CR1: variants seen among roughly 807,000 people sequenced by gnomAD.
The protein encoded by CR1 is complement C3b/C4b receptor 1 (Knops blood group).
Under a neutral mutation model 187.3 loss-of-function variants are expected in CR1, and 116 were observed. That is an observed-to-expected ratio of 0.62 (90% CI 0.53 to 0.72). The LOEUF (loss-of-function observed/expected upper bound fraction) is 0.72. Among genes scored for constraint, CR1 ranks in the 30% least tolerant of loss-of-function variants. CR1 has a pLI of 0.00. For synonymous variants in CR1, 576 were observed against 747.1 expected (o/e 0.77, Z 3.73); for missense variants, 1,731 against 2,110.7 (o/e 0.82, Z 3.52).
chr1:207,595,249 C>T (rs1661395727), intron 35 of CR1, among the ~76,000 whole-genome samples: 1 of 150,928 alleles, frequency 6.6e-6, no homozygotes, highest in Non-Finnish European at 1.5e-5. Context: ...AAACACACTA[C>T]ACACAAACAC....
At chr1:207,606,637 G>C (rs1346860338) in intron 35 of CR1, 2 of 152,186 alleles carry the variant, frequency 1.3e-5, no homozygotes, top group African/African-American at 2.4e-5. Flanking sequence ...TAACATTATG[G>C]ATACCTAATA....
rs549755473 is a variant in CR1, at chr1:207,577,542, G to T, written c.4538-263G>T. 2.6e-5 allele frequency among the ~76,000 whole-genome samples: 4 copies of T among 152,288 alleles called. No individual in the cohort carries two copies. The East Asian group carries it at 7.7e-4, about 29-fold the overall frequency. On this transcript the variant is annotated intron_variant, in intron 28 of 46. Transcript: ENST00000367049. The stretch of plus-strand genomic sequence containing the variant: ...CCCAGCACTTTGAAAGGCCGAGGCA[G>T]GCGGATTGTTTGAGGCCAGGAGTTC...
At chr1:207,501,123 T>G (rs1299318545) in intron 1 of CR1, among the ~76,000 whole-genome samples, 1 of 152,250 alleles carries the variant, frequency 6.6e-6, no homozygotes, top group Non-Finnish European at 1.5e-5. Flanking sequence ...ACCTGAGTTA[T>G]TTCCTTTATA....
chr1:207,625,833 C>T (rs538850022), intron 45 of CR1, among the ~76,000 whole-genome samples: 1 of 152,274 alleles, frequency 6.6e-6, no homozygotes, highest in South Asian at 2.1e-4. Flanking sequence ...AATGCAAAAA[C>T]CTGAAAAACA....
intron 45 of CR1, among the ~76,000 whole-genome samples, chr1:207,626,493 T>C (rs1159445931): frequency 6.6e-6 from 1 of 152,174 alleles, no homozygotes; most frequent in East Asian, 1.9e-4. Flanking sequence ...AAGGGCCTCA[T>C]GGCAAAGAAG....
chr1:207,566,225 T>C (rs1358068412), intron 24 of CR1, among the ~76,000 whole-genome samples: 2 of 150,144 alleles, frequency 1.3e-5, no homozygotes, highest in South Asian at 2.1e-4. Flanking sequence ...CTTTCTCTAG[T>C]TTTTTCTTTC....
intron 35 of CR1, among the ~76,000 whole-genome samples, chr1:207,601,964 C>G (rs984067030): frequency 6.6e-6 from 1 of 152,012 alleles, no homozygotes; most frequent in African/African-American, 2.4e-5. Flanking sequence ...GCTGGCCTCT[C>G]CCAGAATGAG....
intron 46 of CR1, among the ~76,000 whole-genome samples, chr1:207,636,951 T>A (rs1662833435): frequency 6.6e-6 from 1 of 152,234 alleles, no homozygotes; most frequent in South Asian, 2.1e-4. Flanking sequence ...CTATATTTCC[T>A]ACAACTAGCA....
chr1:207,506,276 C>T (rs1659430491), intron 2 of CR1, among the ~76,000 whole-genome samples, 193 bp downstream of exon 2: 1 of 152,218 alleles, frequency 6.6e-6, no homozygotes, highest in African/African-American at 2.4e-5. Context: ...AAGTTTATTT[C>T]ATGAGAAACA....
intron 1 of CR1, among the ~76,000 whole-genome samples, chr1:207,498,877 C>CAAAAAAAA (rs56044498): frequency 0.075 from 3,755 of 49,812 alleles, 354 homozygotes; most frequent in South Asian, 0.089. Context: ...AACTCCAAAT[C>CAAAAAAAA]AAAAAAAAAA....
rs575967814 is a variant in CR1, at chr1:207,568,129, A to C, written c.4171+87A>C. The C allele has an allele frequency of 6.8e-6, 11 of 1,607,340 alleles. No homozygotes were observed. In the South Asian group the frequency reaches 8.8e-5, roughly 13 times the overall value. ...TTTCCATAATTACAGTGTAGTATTT[A>C]TTTGTATGTATGCATTTGCCACAAT... On this transcript the variant is annotated intron_variant, in intron 25 of 46. Coordinates refer to ENST00000367049, the MANE Select transcript of CR1 (RefSeq NM_000651.6).
intron 1 of CR1, among the ~76,000 whole-genome samples, chr1:207,499,676 G>A (rs1285171337): frequency 6.6e-6 from 1 of 152,146 alleles, no homozygotes; most frequent in East Asian, 1.9e-4. Flanking sequence ...TTTAATATAG[G>A]GTGGACTCTG....
rs773564932 is a variant in CR1 at position 207,618,099 on chromosome 1, C to T, written c.6918C>T (p.Asn2306=). The T allele has an allele frequency of 2.5e-5, 40 of 1,613,248 alleles. No homozygotes were observed. The highest frequency in any genetic ancestry group is 1.4e-4 in the South Asian group (13 of 90,928). The change falls in exon 42 of 47, where the codon AAC becomes AAT. Residue 2306 remains asparagine, a synonymous_variant. Transcript: ENST00000367049. ...AACPHPPKIQ[N]GHYIGGHVSL... ...GCCCACATCCACCCAAGATCCAAAA[C>T]GGGCATTACATTGGAGGACACGTAT...
At chr1:207,618,967 G>A (rs568158314) in intron 42 of CR1, among the ~76,000 whole-genome samples, 1 of 148,464 alleles carries the variant, frequency 6.7e-6, no homozygotes, top group Non-Finnish European at 1.5e-5. Flanking sequence ...TGAACCCAGA[G>A]GCAGAGGTTG....
In CR1 at chr1:207,583,540, C is replaced by T. The variant is rs967280806; in HGVS notation, c.5303-1109C>T. Among the ~76,000 whole-genome samples the T allele has an allele frequency of 2.0e-5, 3 of 152,188 alleles. No individual in the cohort carries two copies. In the South Asian group the frequency reaches 6.2e-4, roughly 32 times the overall value. ...AAATAGTGTGTTAAAAACAGAAACA[C>T]TACTATGTCCCATCTATCCATTTAC... On this transcript the variant is annotated intron_variant, in intron 32 of 46. Transcript: ENST00000367049.
intron 1 of CR1, among the ~76,000 whole-genome samples, chr1:207,502,442 T>C (rs1659300445): frequency 6.6e-6 from 1 of 152,172 alleles, no homozygotes. Context: ...TGGGGAAGGC[T>C]TCTATAAGAA....
chr1:207,618,781 C>T (rs1662221414), intron 42 of CR1, among the ~76,000 whole-genome samples: 1 of 152,138 alleles, frequency 6.6e-6, no homozygotes, highest in African/African-American at 2.4e-5. Context: ...TGCGGTGGCT[C>T]ACACCTGTAA....
intron 24 of CR1, 29 bp downstream of exon 24, chr1:207,565,952 A>G (rs1571537644): frequency 6.2e-7 from 1 of 1,610,050 alleles, no homozygotes; most frequent in African/African-American, 1.4e-5. Context: ...ATTTCAGGCC[A>G]ATCTCTCCCC....
chr1:207,622,130 A>G (rs1662332582), intron 44 of CR1, 134 bp downstream of exon 44: 1 of 562,332 alleles, frequency 1.8e-6, no homozygotes, highest in Non-Finnish European at 2.9e-6. Context: ...TTCAGTTGTA[A>G]GTTCAACTAG....
Sources: gnomAD v4.1 joint callset for allele counts (sites outside exome capture counted in the v4.1 genomes callset) on GRCh38, gnomAD v4.1.1 for gene constraint, MANE v1.5 for transcripts, NCBI Gene and HGNC (gene_info 2026-07-23, HGNC 2026-07-21) for gene names.